The following ADGRL2 variants were observed in gnomAD, a reference collection of about 807,000 sequenced individuals.
ADGRL2 encodes the protein calcium-independent alpha-latrotoxin receptor 2.
ADGRL2 carries 44 observed loss-of-function variants against 157.4 expected under a neutral mutation model. The observed-to-expected ratio is 0.28, with a 90% CI of 0.22 to 0.36. ADGRL2 has a LOEUF of 0.36. ADGRL2 is among the 10% of genes least tolerant of loss of function. The probability of loss-of-function intolerance (pLI) is 1.00; values close to 1 mark genes in which losing one functional copy is unlikely to be tolerated. For missense variants in ADGRL2, 1,510 were observed against 1,768.9 expected (o/e 0.85, Z 2.63); for synonymous variants, 585 against 624.7 (o/e 0.94, Z 0.95).
intron 3 of ADGRL2, among the ~76,000 whole-genome samples, chr1:81,913,389 G>A (rs1310262452): frequency 1.3e-5 from 2 of 152,160 alleles, no homozygotes; most frequent in African/African-American, 4.8e-5. Context: ...GGAAAATTGA[G>A]TGCATACTTC....
At chr1:81,950,822 T>C (rs1413167232) in intron 7 of ADGRL2, among the ~76,000 whole-genome samples, 196 bp from the exon 8 acceptor site, 1 of 152,226 alleles carries the variant, frequency 6.6e-6, no homozygotes, top group African/African-American at 2.4e-5. Context: ...GCTATAAATA[T>C]ATGATATTTC....
chr1:81,735,871 G>A (rs543993203), intron 1 of ADGRL2, among the ~76,000 whole-genome samples: 16 of 150,974 alleles, frequency 1.1e-4, no homozygotes, highest in African/African-American at 3.6e-4. Flanking sequence ...ACGGCTGGGC[G>A]CGGTGGCTTA....
chr1:81,370,883 G>A (rs2100984831), intron 1 of ADGRL2, among the ~76,000 whole-genome samples: 1 of 152,256 alleles, frequency 6.6e-6, no homozygotes, highest in Non-Finnish European at 1.5e-5. Flanking sequence ...TGATATTAGA[G>A]ATGAGAAAAA....
chr1:81,501,038 C>T (rs1281777043), intron 2 of ADGRL2, among the ~76,000 whole-genome samples: 1 of 152,136 alleles, frequency 6.6e-6, no homozygotes, highest in Non-Finnish European at 1.5e-5. Context: ...GTCAAAAATT[C>T]CTGTATTCTG....
rs372824087 is a variant in ADGRL2, at chr1:81,337,546, A to G, written c.-302+31037A>G. 1.8e-4 allele frequency among the ~76,000 whole-genome samples: 28 copies of G among 152,330 alleles called. No individual in the cohort carries two copies. The South Asian group carries it at 5.0e-3, about 27-fold the overall frequency. On this transcript the variant is annotated intron_variant, in intron 1 of 24. Transcript: ENST00000370721. ...AAAAATTTCCTGTTTCAATTCTAGC[A>G]TTATGAGAGCTCTCAGAGAAATCAT...
Position 81,956,731 on chromosome 1 carries a change from A to G in ADGRL2, c.2017+671A>G, listed in dbSNP as rs76647017. 1.5e-3 allele frequency among the ~76,000 whole-genome samples: 226 copies of G among 152,324 alleles called. 1 individual carries two copies. The highest frequency in any genetic ancestry group is 5.3e-3 in the African/African-American group (219 of 41,584). ...ATTGTTAATTATTCAGTGAGGTTGA[A>G]TTCAGATGAAGTTAACAGTATACCT... is the stretch of plus-strand genomic sequence containing the variant. On this transcript the variant is annotated intron_variant, in intron 11 of 23. Coordinates refer to ENST00000686636, the MANE Select transcript of ADGRL2 (RefSeq NM_001366006.2).
intron 1 of ADGRL2, among the ~76,000 whole-genome samples, chr1:81,422,537 G>A (rs1159760381): frequency 1.3e-5 from 2 of 152,214 alleles, no homozygotes; most frequent in African/African-American, 2.4e-5. Flanking sequence ...GGGCCACCAC[G>A]CCCAGCCAAA....
At chr1:81,763,797 A>C (rs1408755422) in intron 2 of ADGRL2, among the ~76,000 whole-genome samples, 1 of 152,096 alleles carries the variant, frequency 6.6e-6, no homozygotes, top group Non-Finnish European at 1.5e-5. Flanking sequence ...ACCTGAGGTC[A>C]GGAGTTCGAG....
chr1:81,903,670 A>C (rs1056104932), intron 2 of ADGRL2, among the ~76,000 whole-genome samples: 1 of 149,296 alleles, frequency 6.7e-6, no homozygotes, highest in African/African-American at 2.4e-5. Context: ...AGTAATACTT[A>C]TTTCTCTCTT....
At chr1:81,482,485 TACTTA>T (rs2078411360) in intron 2 of ADGRL2, among the ~76,000 whole-genome samples, 1 of 152,078 alleles carries the variant, frequency 6.6e-6, no homozygotes, top group Non-Finnish European at 1.5e-5. Context: ...GATACTTAAA[TACTTA>T]ATTTTGCCTG....
chr1:81,384,335 G>GA (rs372489970), intron 1 of ADGRL2, among the ~76,000 whole-genome samples: 1 of 152,084 alleles, frequency 6.6e-6, no homozygotes, highest in Non-Finnish European at 1.5e-5. Flanking sequence ...CATTTACATA[G>GA]AAAAAAGGTG....
chr1:81,668,140 C>T lies in ADGRL2; in HGVS notation c.-143+87160C>T, dbSNP rs576138375. Among the ~76,000 whole-genome samples the T allele has an allele frequency of 4.6e-5, 7 of 152,100 alleles. No individual in the cohort carries two copies. The East Asian group carries it at 5.8e-4, about 13-fold the overall frequency. On this transcript the variant is annotated intron_variant, in intron 3 of 24. Coordinates refer to the ADGRL2 transcript ENST00000370721. ...AAGTATTTCATATAAGCAAGTTTTC[C>T]GACCAGGCTCAGAGGTTCATGCCTG...
intron 1 of ADGRL2, among the ~76,000 whole-genome samples, chr1:81,819,490 A>G (rs2090763129): frequency 6.6e-6 from 1 of 152,120 alleles, no homozygotes; most frequent in Non-Finnish European, 1.5e-5. Context: ...TAAAAAAAAT[A>G]TATTTTTTCT....
At chr1:81,419,659 T>G (rs776390219) in intron 1 of ADGRL2, among the ~76,000 whole-genome samples, 4 of 152,212 alleles carry the variant, frequency 2.6e-5, no homozygotes, top group Non-Finnish European at 5.9e-5. Flanking sequence ...AAATGATGCA[T>G]AGAGGTAAAT....
chr1:81,907,379 A>T, intron 3 of ADGRL2, 149 bp downstream of exon 3: 1 of 623,386 alleles, frequency 1.6e-6, no homozygotes. Flanking sequence ...GTTGATATCT[A>T]CACTTTATAT....
At chr1:81,594,181 C>T (rs1322093230) in intron 3 of ADGRL2, among the ~76,000 whole-genome samples, 1 of 152,138 alleles carries the variant, frequency 6.6e-6, no homozygotes, top group Non-Finnish European at 1.5e-5. Flanking sequence ...CTGCCTGGCA[C>T]TTCTACTTCT....
chr1:81,503,303 C>T, intron 2 of ADGRL2: 1 of 1,614,206 alleles, frequency 6.2e-7, no homozygotes, highest in Non-Finnish European at 8.5e-7. Context: ...ACCACCTACG[C>T]AGGTGTGCTG....
chr1:81,957,965 A>G (rs1306309942), intron 11 of ADGRL2, among the ~76,000 whole-genome samples: 1 of 151,880 alleles, frequency 6.6e-6, no homozygotes, highest in African/African-American at 2.4e-5. Context: ...GTTCAGGACT[A>G]TCCTGGCCAA....
chr1:81,493,495 G>GTA (rs1184050189), intron 2 of ADGRL2, among the ~76,000 whole-genome samples: 16 of 152,194 alleles, frequency 1.1e-4, no homozygotes, highest in African/African-American at 3.6e-4. Flanking sequence ...TTTCTCAAAA[G>GTA]TGTTCTATTT....
Sources: gnomAD v4.1 joint callset for allele counts (sites outside exome capture counted in the v4.1 genomes callset) on GRCh38, gnomAD v4.1.1 for gene constraint, MANE v1.5 for transcripts, NCBI Gene and HGNC (gene_info 2026-07-23, HGNC 2026-07-21) for gene names.